Variants in DPH6 observed in about 807,000 individuals in gnomAD.
DPH6 encodes diphthamine biosynthesis 6, also known as diphthine--ammonia ligase.
A neutral mutation model predicts 38.2 loss-of-function variants in DPH6; 33 were observed. That is an observed-to-expected ratio of 0.86 (90% CI 0.65 to 1.15). The LOEUF (loss-of-function observed/expected upper bound fraction) is 1.15, where lower values mean the gene tolerates loss of function less well. DPH6 is among the 50% of genes most tolerant of loss of function. The probability of loss-of-function intolerance (pLI) is 0.00; values close to 1 mark genes in which losing one functional copy is unlikely to be tolerated. For synonymous variants in DPH6, 108 were observed against 103.0 expected (o/e 1.05, Z -0.30); for missense variants, 325 against 320.0 (o/e 1.02, Z -0.12).
intron 3 of DPH6, chr15:35,282,842 T>C (rs995756031): frequency 2.0e-5 from 7 of 342,428 alleles, no homozygotes; most frequent in African/African-American, 1.5e-4. Context: ...ATCATCAGCC[T>C]GGTTGTGGGC....
chr15:35,283,856 T>A (rs1248049437), intron 3 of DPH6, among the ~76,000 whole-genome samples: 1 of 151,788 alleles, frequency 6.6e-6, no homozygotes, highest in East Asian at 1.9e-4. Context: ...ATATGTAAGA[T>A]AAAAGCCATA....
At chr15:35,224,260 C>A (rs1213541861) in intron 3 of DPH6, among the ~76,000 whole-genome samples, 7 of 151,954 alleles carry the variant, frequency 4.6e-5, no homozygotes, top group African/African-American at 1.5e-4. Flanking sequence ...GCACCCACCA[C>A]CATGCCCAGC....
chr15:35,176,680 A>C, the DPH6 span, among the ~76,000 whole-genome samples: 1 of 152,306 alleles, frequency 6.6e-6, no homozygotes, highest in South Asian at 2.1e-4. Flanking sequence ...CATGTTGGTC[A>C]GGCTGGTCTC....
intron 3 of DPH6, among the ~76,000 whole-genome samples, chr15:35,531,455 C>G (rs975594332): frequency 1.1e-4 from 17 of 152,102 alleles, no homozygotes; most frequent in African/African-American, 3.9e-4. Context: ...CATGGCTCCC[C>G]TGTATCCGAT....
At chr15:35,217,086 G>A (rs1283380753), downstream of DPH6, among the ~76,000 whole-genome samples, 1 of 152,134 alleles carries the variant, frequency 6.6e-6, no homozygotes, top group African/African-American at 2.4e-5. Flanking sequence ...AATAGCAAAT[G>A]TAAGTGATAA....
chr15:35,216,493 T>C (rs1168833028), downstream of DPH6, among the ~76,000 whole-genome samples: 1 of 152,216 alleles, frequency 6.6e-6, no homozygotes, highest in Non-Finnish European at 1.5e-5. Context: ...CTTCTTACAA[T>C]AGTCTGATAA....
chr15:35,496,423 C>T (rs145634231), intron 3 of DPH6, among the ~76,000 whole-genome samples: 107 of 150,476 alleles, frequency 7.1e-4, no homozygotes, highest in African/African-American at 2.3e-3. Context: ...GGCATGGTGG[C>T]GGGCACCTGC....
At chr15:35,246,150 T>G (rs2051636687) in intron 3 of DPH6, among the ~76,000 whole-genome samples, 1 of 152,146 alleles carries the variant, frequency 6.6e-6, no homozygotes, top group Admixed American at 6.5e-5. Flanking sequence ...CCTATCTCCC[T>G]TTGCTGACTC....
At position 35,521,219 on chromosome 15, in the gene DPH6, T is replaced by C. The variant is rs1040540674; in HGVS notation, c.312+17055A>G. On this transcript the variant is annotated intron_variant, in intron 3 of 8. Transcript: ENST00000256538. ...TATTAATTTATGGGTTTTGCTTAGT[T>C]TCCTCCTAAGGCAAGGCAGTTCTAG... The C allele has an allele frequency of 3.0e-6, 3 of 985,444 alleles. No individual in the cohort carries two copies. The African/African-American group carries it at 5.2e-5, about 17-fold the overall frequency. The allele number at this position is 985,444 out of a possible 1,614,324, so 61.0% of individuals were successfully genotyped here.
intron 3 of DPH6, among the ~76,000 whole-genome samples, chr15:35,307,939 C>T (rs752357976): frequency 2.0e-5 from 3 of 152,032 alleles, no homozygotes; most frequent in Admixed American, 6.6e-5. Flanking sequence ...GCTACTTTTC[C>T]GCATGTCTGA....
intron 5 of DPH6, among the ~76,000 whole-genome samples, chr15:35,445,620 T>C (rs2053842452): frequency 6.6e-6 from 1 of 152,044 alleles, no homozygotes; most frequent in Admixed American, 6.5e-5. Context: ...CATGTAGCTG[T>C]TCATGTATTT....
the DPH6 span, among the ~76,000 whole-genome samples, chr15:35,177,618 C>A: frequency 2.1e-5 from 3 of 144,138 alleles, no homozygotes; most frequent in Admixed American, 7.1e-5. Context: ...TCATCATCAT[C>A]ATCATCATCA....
At chr15:35,317,824 G>C (rs1049895455) in intron 3 of DPH6, among the ~76,000 whole-genome samples, 1 of 152,026 alleles carries the variant, frequency 6.6e-6, no homozygotes, top group Non-Finnish European at 1.5e-5. Context: ...CATTGTCCAA[G>C]AAATGTAAAT....
At chr15:35,229,047 C>A (rs2051500617) in intron 3 of DPH6, among the ~76,000 whole-genome samples, 1 of 152,104 alleles carries the variant, frequency 6.6e-6, no homozygotes, top group Admixed American at 6.5e-5. Context: ...GTTAAATCTT[C>A]TGGGTGTTCT....
chr15:35,493,976 A>G (rs2054516193), intron 3 of DPH6, among the ~76,000 whole-genome samples: 1 of 152,056 alleles, frequency 6.6e-6, no homozygotes, highest in African/African-American at 2.4e-5. Flanking sequence ...TCCAGAGCAG[A>G]CTCTGGAACC....
intron 5 of DPH6, among the ~76,000 whole-genome samples, chr15:35,436,172 A>G (rs1280968177): frequency 1.3e-5 from 2 of 152,034 alleles, no homozygotes; most frequent in African/African-American, 4.8e-5. Context: ...ACAGCAATTG[A>G]AAGCTTCTTT....
chr15:35,381,010 AT>A (rs978728967), intron 7 of DPH6, among the ~76,000 whole-genome samples: 13 of 149,796 alleles, frequency 8.7e-5, no homozygotes, highest in African/African-American at 3.0e-4. Context: ...TACAAATTGC[AT>A]TTTTTAAGAA....
chr15:35,364,427 G>C (rs925166254), intron 3 of DPH6, among the ~76,000 whole-genome samples: 1 of 151,864 alleles, frequency 6.6e-6, no homozygotes, highest in African/African-American at 2.4e-5. Context: ...CTAGAGTTAA[G>C]TATTTATATC....
Position 35,302,795 on chromosome 15 carries a change from CT to C in DPH6, n.200+70725del, listed in dbSNP as rs924692813. On this transcript the variant is annotated intron_variant and non_coding_transcript_variant, in intron 3 of 3. Coordinates refer to the DPH6 transcript ENST00000560386. ...CAAATTCACAATGAAGACGATTTTT[CT>C]TTTTTTTTTTTCTCATGGCATTTCA... Among the ~76,000 whole-genome samples, 127 of 144,738 alleles carry C rather than the reference CT, an allele frequency of 8.8e-4. 1 individual carries two copies. In the East Asian group the frequency reaches 0.014, roughly 16 times the overall value. The allele number at this position is 144,738 out of a possible 152,430, so 95.0% of individuals were successfully genotyped here.
Sources: gnomAD v4.1 joint callset for allele counts (sites outside exome capture counted in the v4.1 genomes callset) on GRCh38, gnomAD v4.1.1 for gene constraint, MANE v1.5 for transcripts, NCBI Gene and HGNC (gene_info 2026-07-23, HGNC 2026-07-21) for gene names.